The following SMC6 variants were observed in gnomAD, a reference collection of about 807,000 sequenced individuals.
SMC6 encodes the protein structural maintenance of chromosomes 6, also known as structural maintenance of chromosomes protein 6.
A neutral mutation model predicts 142.2 loss-of-function variants in SMC6; 79 were observed. That is an observed-to-expected ratio of 0.56 (90% CI 0.46 to 0.67). The LOEUF (loss-of-function observed/expected upper bound fraction) is 0.67, where lower values mean the gene tolerates loss of function less well. Ranked by LOEUF, SMC6 falls within the 30% of genes least tolerant of loss-of-function variation. The probability of loss-of-function intolerance (pLI) is 0.00; values close to 1 mark genes in which losing one functional copy is unlikely to be tolerated. For missense variants in SMC6, 1,072 were observed against 1,284.0 expected (o/e 0.83, Z 2.52); for synonymous variants, 411 against 412.4 (o/e 1.00, Z 0.04).
intron 3 of SMC6, among the ~76,000 whole-genome samples, chr2:17,744,064 G>GT (rs1182122000): frequency 1.3e-5 from 2 of 152,158 alleles, no homozygotes; most frequent in Non-Finnish European, 2.9e-5. Context: ...TCATGTGGAC[G>GT]TAAGTTTTCA....
chr2:17,744,755 T>A (rs948628746), intron 3 of SMC6, among the ~76,000 whole-genome samples: 1 of 152,180 alleles, frequency 6.6e-6, no homozygotes, highest in Non-Finnish European at 1.5e-5. Flanking sequence ...AGTTCCAGTC[T>A]ATTCTTATTT....
At chr2:17,690,916 T>C (rs971563647) in intron 23 of SMC6, among the ~76,000 whole-genome samples, 2 of 150,438 alleles carry the variant, frequency 1.3e-5, no homozygotes, top group Non-Finnish European at 3.0e-5. Flanking sequence ...ATTGGTACAA[T>C]CCCTATAAAG....
intron 11 of SMC6, among the ~76,000 whole-genome samples, chr2:17,720,606 G>A (rs1167853781): frequency 1.3e-5 from 2 of 151,990 alleles, no homozygotes; most frequent in Admixed American, 6.6e-5. Flanking sequence ...TATTTCTCAG[G>A]TCTTTTTGTG....
intron 3 of SMC6, among the ~76,000 whole-genome samples, 162 bp from the exon 4 acceptor site, chr2:17,741,891 C>G (rs965671889): frequency 2.6e-5 from 4 of 152,116 alleles, no homozygotes; most frequent in Non-Finnish European, 5.9e-5. Context: ...TAAATGGGAA[C>G]CTTCTATGAG....
At chr2:17,703,735 A>G (rs1668377045) in intron 18 of SMC6, among the ~76,000 whole-genome samples, 1 of 151,946 alleles carries the variant, frequency 6.6e-6, no homozygotes, top group Admixed American at 6.6e-5. Context: ...ATTTTAACAT[A>G]CTCTTTTCTG....
At chr2:17,671,697 A>C (rs1398094204) in intron 25 of SMC6, among the ~76,000 whole-genome samples, 1 of 151,556 alleles carries the variant, frequency 6.6e-6, no homozygotes, top group Non-Finnish European at 1.5e-5. Context: ...AATAATTTTA[A>C]ATTTCTTTTA....
intron 9 of SMC6, among the ~76,000 whole-genome samples, chr2:17,723,698 A>G (rs1301665615): frequency 6.6e-6 from 1 of 152,168 alleles, no homozygotes; most frequent in Non-Finnish European, 1.5e-5. Flanking sequence ...CAAATTATTT[A>G]CCATCTATGT....
At chr2:17,683,956 T>G (rs1422638107) in intron 23 of SMC6, among the ~76,000 whole-genome samples, 193 bp from the exon 24 acceptor site, 1 of 152,066 alleles carries the variant, frequency 6.6e-6, no homozygotes, top group Non-Finnish European at 1.5e-5. Context: ...AATAAGAAAG[T>G]GCTATCCTGA....
chr2:17,751,610 C>G (rs1671043871), intron 2 of SMC6, among the ~76,000 whole-genome samples: 1 of 152,076 alleles, frequency 6.6e-6, no homozygotes, highest in Non-Finnish European at 1.5e-5. Context: ...GCTAAGGAAG[C>G]TACTGGAAGT....
At chr2:17,742,162 C>T (rs1397020018) in intron 3 of SMC6, among the ~76,000 whole-genome samples, 1 of 152,112 alleles carries the variant, frequency 6.6e-6, no homozygotes, top group Non-Finnish European at 1.5e-5. Context: ...GAGAAGAATC[C>T]CCTTTGTTGA....
intron 23 of SMC6, among the ~76,000 whole-genome samples, chr2:17,690,702 A>C (rs1667664639): frequency 6.6e-6 from 1 of 152,132 alleles, no homozygotes; most frequent in Admixed American, 6.6e-5. Context: ...ATAGACAAAA[A>C]AGTACATGAA....
intron 23 of SMC6, among the ~76,000 whole-genome samples, chr2:17,692,748 T>G (rs183986963): frequency 5.6e-4 from 85 of 152,258 alleles, no homozygotes; most frequent in Non-Finnish European, 9.7e-4. Flanking sequence ...CAAAAGAAAC[T>G]ACCATCAGAG....
At position 17,678,953 on chromosome 2, in the gene SMC6, A is replaced by T; in HGVS notation, c.2816T>A (p.Leu939Ter). Residue 939 changes from leucine to a stop codon, truncating the protein, a stop_gained, in exon 25 of 28, where the codon TTA becomes TAA. Coordinates refer to ENST00000448223, the MANE Select transcript of SMC6 (RefSeq NM_001142286.2). LOFTEE classifies it high-confidence loss of function. ...GTTGTCAAAGTATAATTTGCATCGT[A>T]AAGTCAAACACCTTGAAATTTAAAA... Reference protein sequence around the residue: ...TYQQFRRCLTLRCKLYFDNLL... With the variant: ...TYQQFRRCLT 1.2e-6 allele frequency: 2 copies of T among 1,610,408 alleles called. No individual in the cohort carries two copies. Among genetic ancestry groups the T allele is most frequent in the Non-Finnish European group, 1.7e-6 (2 of 1,178,270 alleles).
chr2:17,689,623 T>C (rs878980875), intron 23 of SMC6, among the ~76,000 whole-genome samples: 1 of 152,236 alleles, frequency 6.6e-6, no homozygotes, highest in Non-Finnish European at 1.5e-5. Context: ...TTATGATTTT[T>C]GATAGAGCTG....
intron 26 of SMC6, among the ~76,000 whole-genome samples, chr2:17,666,885 G>A (rs1666521265): frequency 6.6e-6 from 1 of 152,160 alleles, no homozygotes; most frequent in African/African-American, 2.4e-5. Flanking sequence ...GGGAGGCCGA[G>A]GCAGGAGGAT....
At chr2:17,713,819 G>C (rs555878416) in intron 16 of SMC6, among the ~76,000 whole-genome samples, 1 of 152,162 alleles carries the variant, frequency 6.6e-6, no homozygotes, top group Non-Finnish European at 1.5e-5. Flanking sequence ...TTTGCACACA[G>C]AATTCTATTT....
intron 5 of SMC6, among the ~76,000 whole-genome samples, chr2:17,738,010 T>C (rs1296431185): frequency 6.6e-6 from 1 of 152,058 alleles, no homozygotes; most frequent in Non-Finnish European, 1.5e-5. Context: ...GGGCAATAGG[T>C]TACACAAGCT....
At chr2:17,672,790 C>T (rs1418757469) in intron 25 of SMC6, among the ~76,000 whole-genome samples, 3 of 152,152 alleles carry the variant, frequency 2.0e-5, no homozygotes, top group South Asian at 2.1e-4. Flanking sequence ...ATTTTCATTA[C>T]GGAACAGTAT....
chr2:17,686,593 T>C (rs1667466053), intron 23 of SMC6, among the ~76,000 whole-genome samples: 1 of 152,178 alleles, frequency 6.6e-6, no homozygotes, highest in East Asian at 1.9e-4. Flanking sequence ...TGGGACAGGT[T>C]GCAGTAAAAA....
Sources: gnomAD v4.1 joint callset for allele counts (sites outside exome capture counted in the v4.1 genomes callset) on GRCh38, gnomAD v4.1.1 for gene constraint, MANE v1.5 for transcripts, NCBI Gene and HGNC (gene_info 2026-07-23, HGNC 2026-07-21) for gene names.